TMEM135: variants seen among roughly 807,000 people sequenced by gnomAD.
TMEM135 encodes the protein peroxisomal membrane protein 52.
A neutral mutation model predicts 60.3 loss-of-function variants in TMEM135; 30 were observed. The ratio of observed to expected loss-of-function variants is 0.50; its 90% CI spans 0.37 to 0.68. The LOEUF is 0.68. TMEM135 is among the 30% of genes least tolerant of loss of function. The pLI, the probability that TMEM135 is intolerant of heterozygous loss-of-function variation, is 0.00. For synonymous variants in TMEM135, 190 were observed against 186.7 expected, an observed-to-expected ratio of 1.02 and a Z score of -0.14; for missense variants, 468 against 548.8, an observed-to-expected ratio of 0.85 and a Z score of 1.47.
At chr11:87,265,890 T>G (rs907336280) in intron 6 of TMEM135, among the ~76,000 whole-genome samples, 2 of 152,156 alleles carry the variant, frequency 1.3e-5, no homozygotes, top group Admixed American at 6.6e-5. Flanking sequence ...TTCCTTGAGA[T>G]TCTGAGAAAG....
At chr11:87,270,756 G>A (rs1211873703) in intron 6 of TMEM135, among the ~76,000 whole-genome samples, 2 of 151,898 alleles carry the variant, frequency 1.3e-5, no homozygotes, top group African/African-American at 2.4e-5. Flanking sequence ...ATAAACTATT[G>A]CTTTTTTATT....
At chr11:87,198,035 G>A (rs1311914594) in intron 5 of TMEM135, among the ~76,000 whole-genome samples, 1 of 151,950 alleles carries the variant, frequency 6.6e-6, no homozygotes, top group East Asian at 1.9e-4. Flanking sequence ...CAGAATATTT[G>A]GGGTATCCAT....
chr11:87,135,415 C>T (rs1031892121), intron 4 of TMEM135, among the ~76,000 whole-genome samples: 8 of 151,152 alleles, frequency 5.3e-5, no homozygotes, highest in South Asian at 2.1e-4. Context: ...TGTAAAGTAT[C>T]GATCACAGTT....
intron 6 of TMEM135, among the ~76,000 whole-genome samples, chr11:87,237,378 G>A (rs534589870): frequency 8.6e-5 from 13 of 151,566 alleles, no homozygotes; most frequent in African/African-American, 3.1e-4. Context: ...TACTCTTATT[G>A]CCCTCATTTG....
chr11:87,133,963 T>C (rs578068828), intron 4 of TMEM135, among the ~76,000 whole-genome samples: 2 of 152,256 alleles, frequency 1.3e-5, no homozygotes, highest in South Asian at 4.2e-4. Context: ...TTGATGATTA[T>C]GAGTAAAGCT....
At chr11:87,205,122 CT>C (rs1940206956) in intron 5 of TMEM135, among the ~76,000 whole-genome samples, 1 of 152,052 alleles carries the variant, frequency 6.6e-6, no homozygotes, top group Non-Finnish European at 1.5e-5. Flanking sequence ...CATCTATGTT[CT>C]TTATCTGCTG....
intron 5 of TMEM135, among the ~76,000 whole-genome samples, chr11:87,204,837 A>G (rs1940200139): frequency 6.6e-6 from 1 of 152,112 alleles, no homozygotes. Context: ...GGATCTGCAC[A>G]GTTCATACTC....
chr11:87,047,286 T>TA (rs534418636), intron 1 of TMEM135, among the ~76,000 whole-genome samples: 43 of 151,590 alleles, frequency 2.8e-4, no homozygotes, highest in Non-Finnish European at 4.1e-4. Context: ...GCCAGATTGT[T>TA]AAAAAAAAAG....
chr11:87,108,302 A>C (rs1011400915), intron 4 of TMEM135, among the ~76,000 whole-genome samples: 1 of 152,040 alleles, frequency 6.6e-6, no homozygotes, highest in Non-Finnish European at 1.5e-5. Context: ...TTTTGTTGCC[A>C]TTGCTTTTGG....
rs180763376 is a variant in TMEM135, at chr11:87,261,745, C to T, written c.509+25061C>T. Among the ~76,000 whole-genome samples, 625 of 152,228 alleles carry T rather than the reference C, an allele frequency of 4.1e-3. 3 individuals are homozygous for T. The highest frequency in any genetic ancestry group is 0.014 in the African/African-American group (592 of 41,530). ...TAAGCAGTCCTCCCACCTCAGCCTC[C>T]TGGGTGGCTGGGACCACATGTGTGC... On this transcript the variant is annotated intron_variant, in intron 6 of 14. Transcript: ENST00000305494.
intron 5 of TMEM135, among the ~76,000 whole-genome samples, chr11:87,167,319 C>G (rs979114263): frequency 6.6e-6 from 1 of 152,176 alleles, no homozygotes; most frequent in Admixed American, 6.5e-5. Flanking sequence ...CCGGATTGCC[C>G]TGGCCAGAAC....
chr11:87,106,227 C>G (rs1308128288), intron 4 of TMEM135, among the ~76,000 whole-genome samples: 1 of 152,038 alleles, frequency 6.6e-6, no homozygotes, highest in African/African-American at 2.4e-5. Context: ...CCTCAGCCTC[C>G]TGAGTAGCTG....
intron 5 of TMEM135, among the ~76,000 whole-genome samples, chr11:87,207,986 A>G (rs638848): frequency 0.13 from 19,799 of 152,004 alleles, 1,343 homozygotes; most frequent in Non-Finnish European, 0.15. Flanking sequence ...CCCCCTAAAA[A>G]CATCAATAAA....
chr11:87,301,675 A>G (rs1942452357), intron 7 of TMEM135, among the ~76,000 whole-genome samples: 1 of 152,158 alleles, frequency 6.6e-6, no homozygotes. Flanking sequence ...AAGGGCAATG[A>G]CTCTTACAGG....
intron 7 of TMEM135, among the ~76,000 whole-genome samples, chr11:87,297,294 A>G (rs1942363464): frequency 6.6e-6 from 1 of 152,204 alleles, no homozygotes; most frequent in Non-Finnish European, 1.5e-5. Context: ...AGAAAATCAC[A>G]TGGCATGCAA....
At chr11:87,320,140 C>T (rs1942797137) in intron 14 of TMEM135, among the ~76,000 whole-genome samples, 1 of 152,128 alleles carries the variant, frequency 6.6e-6, no homozygotes, top group Non-Finnish European at 1.5e-5. Context: ...GGCACACATA[C>T]AATATCCATG....
chr11:87,276,504 T>TTA (rs143131982), intron 6 of TMEM135, among the ~76,000 whole-genome samples: 2,360 of 148,952 alleles, frequency 0.016, 57 homozygotes, highest in African/African-American at 0.045. Context: ...TATCAAAAGT[T>TTA]TATATATATA....
intron 6 of TMEM135, among the ~76,000 whole-genome samples, chr11:87,263,629 T>A (rs1490998492): frequency 1.3e-5 from 2 of 152,124 alleles, no homozygotes; most frequent in Non-Finnish European, 2.9e-5. Context: ...TAAATAAAAG[T>A]GTTATTCTCT....
At chr11:87,314,231 G>C (rs1298609867) in intron 11 of TMEM135, among the ~76,000 whole-genome samples, 1 of 151,682 alleles carries the variant, frequency 6.6e-6, no homozygotes, top group African/African-American at 2.4e-5. Context: ...GAAATGTAAA[G>C]CTTCTTGTTA....
Sources: gnomAD v4.1 joint callset for allele counts (sites outside exome capture counted in the v4.1 genomes callset) on GRCh38, gnomAD v4.1.1 for gene constraint, MANE v1.5 for transcripts, NCBI Gene and HGNC (gene_info 2026-07-23, HGNC 2026-07-21) for gene names.